Variants in FCER1A observed in about 807,000 individuals in gnomAD.
The protein encoded by FCER1A is Fc epsilon receptor Ia, also known as high affinity immunoglobulin epsilon receptor subunit alpha.
Under a neutral mutation model 23.6 loss-of-function variants are expected in FCER1A, and 24 were observed. The observed-to-expected ratio is 1.02, with a 90% CI of 0.74 to 1.43. FCER1A has a LOEUF of 1.43. Among genes scored for constraint, FCER1A ranks in the 40% most tolerant of loss-of-function variants. The probability of loss-of-function intolerance (pLI) is 0.00; values close to 1 mark genes in which losing one functional copy is unlikely to be tolerated. For synonymous variants in FCER1A, 121 were observed against 108.8 expected (o/e 1.11, Z -0.70); for missense variants, 318 against 294.5 (o/e 1.08, Z -0.58).
At chr1:159,302,297 G>A, upstream of FCER1A, 3 of 1,051,876 alleles carry the variant, frequency 2.9e-6, no homozygotes, top group Non-Finnish European at 4.5e-6. Flanking sequence ...TCTGCTTTTT[G>A]GTTTTAAGCC....
At chr1:159,294,786 T>C (rs538082780) in intron 1 of FCER1A, among the ~76,000 whole-genome samples, 1 of 152,328 alleles carries the variant, frequency 6.6e-6, no homozygotes, top group African/African-American at 2.4e-5. Flanking sequence ...AACAGGTCTG[T>C]ATCCATATTT....
chr1:159,284,976 A>G (rs1433804932), upstream of FCER1A, among the ~76,000 whole-genome samples: 1 of 152,204 alleles, frequency 6.6e-6, no homozygotes, highest in Non-Finnish European at 1.5e-5. Context: ...AGCACTGCTT[A>G]TTGCATTTGA....
Position 159,302,837 on chromosome 1 carries a change from T to C in FCER1A, c.56-17T>C. 6.2e-7 allele frequency: 1 copy of C among 1,612,876 alleles called. No individual in the cohort carries two copies. The highest frequency in any genetic ancestry group is 8.5e-7 in the Non-Finnish European group (1 of 1,178,828). On this transcript the variant is annotated splice_polypyrimidine_tract_variant and intron_variant, in intron 1 of 4. Transcript: ENST00000693622. ...AAGACTGCTGGACACTAATGTATCCTCTCTGGACTTTTGCAGCTCCAGATG... is the reference window on the plus strand; with the variant it reads ...AAGACTGCTGGACACTAATGTATCCCCTCTGGACTTTTGCAGCTCCAGATG...
chr1:159,295,902 C>T (rs1652283160), intron 1 of FCER1A, among the ~76,000 whole-genome samples: 1 of 152,148 alleles, frequency 6.6e-6, no homozygotes. Context: ...ACTCTATGCA[C>T]TCCCAACAAT....
chr1:159,289,237 A>G (rs1355680230), upstream of FCER1A, among the ~76,000 whole-genome samples: 1 of 152,152 alleles, frequency 6.6e-6, no homozygotes, highest in East Asian at 1.9e-4. Flanking sequence ...TAGATCTTGA[A>G]CTGTCAACCT....
At chr1:159,285,595 T>C (rs1651996219), upstream of FCER1A, among the ~76,000 whole-genome samples, 2 of 151,688 alleles carry the variant, frequency 1.3e-5, no homozygotes, top group Non-Finnish European at 2.9e-5. Flanking sequence ...AATTATAAAT[T>C]TGATAATCAA....
Position 159,302,408 on chromosome 1 carries a change from T to C in FCER1A, c.44T>C (p.Leu15Ser), listed in dbSNP as rs963066280. 1 of 1,609,740 alleles carries C rather than the reference T, an allele frequency of 6.2e-7. No homozygotes were observed. The highest frequency in any genetic ancestry group is 8.5e-7 in the Non-Finnish European group (1 of 1,175,980). The change falls in exon 1 of 5, where the codon TTA (leucine) becomes TCA (serine). Residue 15 changes from leucine to serine, a missense_variant. Transcript: ENST00000693622. ...MESPTLLCVA[L>S]LFFAPDGVLA... ...TCCCCTACTCTACTGTGTGTAGCCT[T>C]ACTGTTCTTCGGTAAGTAGAGATTC...
upstream of FCER1A, among the ~76,000 whole-genome samples, chr1:159,288,862 T>C (rs1652081035): frequency 6.6e-6 from 1 of 152,194 alleles, no homozygotes; most frequent in South Asian, 2.1e-4. Context: ...AATTTAGTAC[T>C]GCATTTTCCA....
chr1:159,295,168 T>C (rs1300983878), intron 1 of FCER1A, among the ~76,000 whole-genome samples: 2 of 152,176 alleles, frequency 1.3e-5, no homozygotes, highest in Non-Finnish European at 2.9e-5. Context: ...GAGAAGATTT[T>C]CTTCATATAT....
chr1:159,303,773 C>G (rs189236082), intron 2 of FCER1A, among the ~76,000 whole-genome samples, 155 bp from the exon 3 acceptor site: 1 of 152,274 alleles, frequency 6.6e-6, no homozygotes, highest in East Asian at 1.9e-4. Flanking sequence ...TTCTCCTTCC[C>G]CTAGAAATCA....
At chr1:159,303,251 G>A (rs2427828) in intron 2 of FCER1A, among the ~76,000 whole-genome samples, 118,108 of 151,988 alleles carry the variant, frequency 0.78, 46,760 homozygotes, top group African/African-American at 0.93. Context: ...GGATTTCAAC[G>A]TAAGTTCCTT....
At chr1:159,302,986 C>T (rs2102229567) in intron 2 of FCER1A, 112 bp downstream of exon 2, 1 of 1,057,796 alleles carries the variant, frequency 9.5e-7, no homozygotes, top group Non-Finnish European at 1.5e-6. Flanking sequence ...TGAATCTGTT[C>T]CTTGGCCAGA....
chr1:159,303,161 CATT>C (rs1425086254), intron 2 of FCER1A, among the ~76,000 whole-genome samples: 2 of 152,026 alleles, frequency 1.3e-5, no homozygotes, highest in East Asian at 3.9e-4. Context: ...TCAATAATTA[CATT>C]ATTATTATTA....
chr1:159,299,978 G>A (rs542848281), upstream of FCER1A, among the ~76,000 whole-genome samples: 4 of 151,756 alleles, frequency 2.6e-5, no homozygotes, highest in African/African-American at 9.7e-5. Context: ...GCTTTTTTGG[G>A]GTGGGGGTGG....
chr1:159,288,876 A>C (rs1252887177), upstream of FCER1A, among the ~76,000 whole-genome samples: 1 of 152,156 alleles, frequency 6.6e-6, no homozygotes, highest in Admixed American at 6.5e-5. Flanking sequence ...TTTTCCACTA[A>C]TTAATTGCTT....
At chr1:159,306,337 C>T in intron 4 of FCER1A, 92 bp downstream of exon 4, 2 of 1,252,664 alleles carry the variant, frequency 1.6e-6, no homozygotes, top group East Asian at 2.4e-5. Context: ...AGAAGGGGGG[C>T]ACCTGTGATA....
intron 1 of FCER1A, among the ~76,000 whole-genome samples, chr1:159,297,274 A>T (rs1460281075): frequency 6.6e-6 from 1 of 152,026 alleles, no homozygotes; most frequent in Admixed American, 6.6e-5. Context: ...GTGTGTGATG[A>T]TGTCTGTCTC....
intron 1 of FCER1A, 117 bp from the exon 2 acceptor site, chr1:159,302,737 A>T (rs1652472251): frequency 1.1e-6 from 1 of 911,820 alleles, no homozygotes; most frequent in African/African-American, 1.6e-5. Flanking sequence ...ATTCCTGAAA[A>T]GACGGTTGGT....
At chr1:159,294,869 A>C (rs1652254411) in intron 1 of FCER1A, among the ~76,000 whole-genome samples, 1 of 152,192 alleles carries the variant, frequency 6.6e-6, no homozygotes, top group Non-Finnish European at 1.5e-5. Context: ...ATTATAAAAA[A>C]CACTATTAAT....
Sources: allele counts gnomAD v4.1 joint callset (sites outside exome capture counted in the v4.1 genomes callset), GRCh38; gene constraint gnomAD v4.1.1; transcripts MANE v1.5; gene names NCBI Gene and HGNC (gene_info 2026-07-23, HGNC 2026-07-21).